FAM107B: variants seen among roughly 807,000 people sequenced by gnomAD.
The protein encoded by FAM107B is protein FAM107B.
FAM107B carries 21 observed loss-of-function variants against 31.5 expected under a neutral mutation model. The observed-to-expected ratio is 0.67, with a 90% CI of 0.47 to 0.96. FAM107B has a LOEUF of 0.96. Ranked by LOEUF, FAM107B falls within the 40% of genes least tolerant of loss-of-function variation. FAM107B has a pLI of 0.00. For missense variants in FAM107B, 452 were observed against 377.1 expected (o/e 1.20, Z -1.64); for synonymous variants, 157 against 141.5 (o/e 1.11, Z -0.78).
chr10:14,762,698 G>A (rs1208157692), intron 1 of FAM107B, among the ~76,000 whole-genome samples: 1 of 150,216 alleles, frequency 6.7e-6, no homozygotes, highest in Non-Finnish European at 1.5e-5. Flanking sequence ...AGAGGTTGCA[G>A]TGAGCCAAGA....
rs140967718 is a variant in FAM107B at position 14,726,086 on chromosome 10, C to T, written c.411+48167G>A. 3.5e-3 allele frequency among the ~76,000 whole-genome samples: 538 copies of T among 152,164 alleles called. 12 individuals are homozygous for T. In the East Asian group the frequency reaches 0.046, roughly 13 times the overall value. On this transcript the variant is annotated intron_variant, in intron 1 of 4. Coordinates refer to ENST00000181796, the MANE Select transcript of FAM107B (RefSeq NM_031453.4). The stretch of plus-strand genomic sequence containing the variant: ...TCAGCTCACTGCAACCTCCGCCTCC[C>T]GGGTTCAAGCGATTCTCCTGCTTCA...
chr10:14,671,398 A>G (rs1854537338), intron 1 of FAM107B, among the ~76,000 whole-genome samples: 1 of 152,154 alleles, frequency 6.6e-6, no homozygotes, highest in African/African-American at 2.4e-5. Context: ...GACTCTTACT[A>G]GGTCAGAGTC....
At chr10:14,604,312 C>T in intron 2 of FAM107B, 6 of 969,694 alleles carry the variant, frequency 6.2e-6, no homozygotes, top group Non-Finnish European at 4.9e-6. Flanking sequence ...CCCAGCGGCC[C>T]GACTGCTCGG....
At chr10:14,547,154 C>T (rs547754910) in intron 2 of FAM107B, among the ~76,000 whole-genome samples, 12 of 152,276 alleles carry the variant, frequency 7.9e-5, no homozygotes, top group South Asian at 4.2e-4. Flanking sequence ...ACACTGGCCC[C>T]GGCAGAAGCA....
At chr10:14,568,651 G>A (rs1850913753) in intron 2 of FAM107B, among the ~76,000 whole-genome samples, 1 of 152,390 alleles carries the variant, frequency 6.6e-6, no homozygotes, top group East Asian at 1.9e-4. Flanking sequence ...GTTAGACCAG[G>A]AGGTGAAGAT....
intron 1 of FAM107B, among the ~76,000 whole-genome samples, chr10:14,757,936 C>T (rs1273050260): frequency 1.3e-5 from 2 of 152,054 alleles, no homozygotes; most frequent in Non-Finnish European, 2.9e-5. Flanking sequence ...GGACAAGTCA[C>T]GGAGCTTGAA....
chr10:14,681,379 T>TC (rs1854831022), intron 1 of FAM107B, among the ~76,000 whole-genome samples: 1 of 152,180 alleles, frequency 6.6e-6, no homozygotes, highest in South Asian at 2.1e-4. Context: ...TCTCCACCTG[T>TC]CCATTGCTGT....
In FAM107B at chr10:14,572,761, T is replaced by TATATATATATATATATATATATATA. The variant is rs1554835550; in HGVS notation, c.470-42247_470-42246insTATATATATATATATATATATATAT. On this transcript the variant is annotated intron_variant, in intron 2 of 4. Transcript: ENST00000181796. The stretch of plus-strand genomic sequence containing the variant: ...AATTTATATATATATATATATATAT[T>TATATATATATATATATATATATATA]AGAGTGTGTGTGTATATATGTTATG... 5.4e-3 allele frequency among the ~76,000 whole-genome samples: 414 copies of TATATATATATATATATATATATATA among 76,014 alleles called. 6 individuals are homozygous for TATATATATATATATATATATATATA. Among genetic ancestry groups the TATATATATATATATATATATATATA allele is most frequent in the South Asian group, 9.5e-3 (24 of 2,522 alleles). 49.9% of individuals were successfully genotyped at this position (76,014 alleles called of 152,430 possible).
intron 1 of FAM107B, among the ~76,000 whole-genome samples, chr10:14,763,426 G>A (rs1833097375): frequency 1.3e-5 from 2 of 152,314 alleles, no homozygotes; most frequent in African/African-American, 4.8e-5. Flanking sequence ...GGAGCAAGCT[G>A]TAGGAGGACA....
chr10:14,621,682 T>G (rs953712700), intron 2 of FAM107B, among the ~76,000 whole-genome samples: 1 of 152,242 alleles, frequency 6.6e-6, no homozygotes, highest in Admixed American at 6.5e-5. Flanking sequence ...ATCTGTTGAT[T>G]TGAAGCTGGG....
chr10:14,706,190 C>T (rs1388379234), intron 1 of FAM107B, among the ~76,000 whole-genome samples: 1 of 152,160 alleles, frequency 6.6e-6, no homozygotes, highest in African/African-American at 2.4e-5. Context: ...TATGCTTAAC[C>T]TTTTGATATA....
chr10:14,569,696 C>T (rs1851025267), intron 2 of FAM107B, among the ~76,000 whole-genome samples: 1 of 152,180 alleles, frequency 6.6e-6, no homozygotes, highest in Admixed American at 6.5e-5. Flanking sequence ...ACAGGTACTC[C>T]AGACTTAAGA....
intron 2 of FAM107B, among the ~76,000 whole-genome samples, chr10:14,603,982 G>C (rs1222534629): frequency 6.8e-6 from 1 of 147,768 alleles, no homozygotes; most frequent in Non-Finnish European, 1.5e-5. Context: ...CCCCTTCCCC[G>C]CAGCGGCCCC....
At chr10:14,557,191 G>A (rs1849780551) in intron 2 of FAM107B, among the ~76,000 whole-genome samples, 1 of 152,118 alleles carries the variant, frequency 6.6e-6, no homozygotes, top group Non-Finnish European at 1.5e-5. Flanking sequence ...CTCACCATCT[G>A]TAATTGTTTA....
intron 2 of FAM107B, among the ~76,000 whole-genome samples, chr10:14,625,386 G>C (rs935184291): frequency 6.6e-6 from 1 of 151,858 alleles, no homozygotes; most frequent in East Asian, 1.9e-4. Context: ...CTCTGATGAC[G>C]CCTCATCTAG....
At chr10:14,597,522 C>T (rs766335537) in intron 2 of FAM107B, among the ~76,000 whole-genome samples, 4 of 152,174 alleles carry the variant, frequency 2.6e-5, no homozygotes, top group Non-Finnish European at 4.4e-5. Flanking sequence ...AATATGAAAA[C>T]CCAGTTATCT....
At chr10:14,629,300 AATATATAAT>A (rs1853257088) in intron 2 of FAM107B, among the ~76,000 whole-genome samples, 1 of 64,992 alleles carries the variant, frequency 1.5e-5, no homozygotes, top group Non-Finnish European at 2.9e-5. Flanking sequence ...AAATTGTATA[AATATATAAT>A]ATATATAATA....
intron 2 of FAM107B, among the ~76,000 whole-genome samples, chr10:14,565,649 C>T (rs550815352): frequency 3.3e-5 from 5 of 152,186 alleles, no homozygotes; most frequent in African/African-American, 9.6e-5. Flanking sequence ...GGGCTGGATA[C>T]GTAGATATGA....
At chr10:14,617,284 G>A (rs1021460630) in intron 2 of FAM107B, among the ~76,000 whole-genome samples, 1 of 152,086 alleles carries the variant, frequency 6.6e-6, no homozygotes. Context: ...AGCAATTGTT[G>A]CATATCAAGA....
Sources: allele counts gnomAD v4.1 joint callset (sites outside exome capture counted in the v4.1 genomes callset), GRCh38; gene constraint gnomAD v4.1.1; transcripts MANE v1.5; gene names NCBI Gene and HGNC (gene_info 2026-07-23, HGNC 2026-07-21).